SUN1: variants seen among roughly 807,000 people sequenced by gnomAD.
The protein encoded by SUN1 is Sad1 and UNC84 domain containing 1.
In SUN1, 61 loss-of-function variants were observed where a neutral mutation model predicts 103.2. That is an observed-to-expected ratio of 0.59 (90% CI 0.48 to 0.73). SUN1 has a LOEUF of 0.73. Among genes scored for constraint, SUN1 ranks in the 30% least tolerant of loss-of-function variants. The pLI, the probability that SUN1 is intolerant of heterozygous loss-of-function variation, is 0.00. For synonymous variants in SUN1, 490 were observed against 425.7 expected (o/e 1.15, Z -1.86); for missense variants, 1,052 against 1,034.6 (o/e 1.02, Z -0.23).
intron 1 of SUN1, 114 bp downstream of exon 1, chr7:832,715 AGGTG>A: frequency 1.2e-6 from 1 of 809,316 alleles, no homozygotes; most frequent in Admixed American, 2.4e-5. Context: ...TGTATTTTGA[AGGTG>A]AAAAAAAATA....
intron 1 of SUN1, among the ~76,000 whole-genome samples, chr7:820,662 A>G (rs566770920): frequency 1.8e-4 from 27 of 152,302 alleles, no homozygotes; most frequent in Middle Eastern, 3.4e-3. Flanking sequence ...AAAAATTTGA[A>G]TATGACATTC....
intron 3 of SUN1, chr7:842,784 C>A (rs1394435847): frequency 7.6e-6 from 2 of 261,612 alleles, no homozygotes; most frequent in South Asian, 5.7e-5. Context: ...TTCCAGAGAT[C>A]ACATGTGCTA....
chr7:844,377 C>CA lies in SUN1; in HGVS notation c.658+858dup, dbSNP rs1241559746. Among the ~76,000 whole-genome samples, 2 of 152,194 alleles carry CA rather than the reference C, an allele frequency of 1.3e-5. 1 individual carries two copies. On this transcript the variant is annotated intron_variant, in intron 5 of 18. Transcript: ENST00000401592. ...GGAGGTGCTGGAAGCCTCAGGAGGGCAGGGCCAGGTCTGTCTTATCCACTC... is the reference window on the plus strand; with the variant it reads ...GGAGGTGCTGGAAGCCTCAGGAGGGCAAGGGCCAGGTCTGTCTTATCCACTC...
chr7:872,286 C>G (rs1453916814), intron 17 of SUN1, among the ~76,000 whole-genome samples, 184 bp from the exon 18 acceptor site: 2 of 152,138 alleles, frequency 1.3e-5, no homozygotes, highest in Non-Finnish European at 2.9e-5. Flanking sequence ...ACATGAAGCC[C>G]TCAACAAAAC....
intron 6 of SUN1, 132 bp downstream of exon 6, chr7:851,614 C>T (rs534361265): frequency 4.8e-5 from 39 of 814,206 alleles, no homozygotes; most frequent in South Asian, 4.0e-4. Flanking sequence ...TAACGTGTCT[C>T]GTTCTTTATG....
At chr7:815,862 G>A, upstream of SUN1, 1 of 211,928 alleles carries the variant, frequency 4.7e-6, no homozygotes, top group Middle Eastern at 2.0e-3. Flanking sequence ...CGGAGCGGCG[G>A]GGAATTGGGG....
At chr7:836,707 G>A (rs1252941275) in intron 1 of SUN1, among the ~76,000 whole-genome samples, 1 of 152,202 alleles carries the variant, frequency 6.6e-6, no homozygotes, top group Non-Finnish European at 1.5e-5. Flanking sequence ...TAATTTAAAT[G>A]TTACTGTCAT....
chr7:856,292 T>G, intron 11 of SUN1, 66 bp from the exon 12 acceptor site: 1 of 1,503,874 alleles, frequency 6.6e-7, no homozygotes, highest in Non-Finnish European at 9.2e-7. Flanking sequence ...GTTTTAAGTA[T>G]GTGGTTTTAT....
intron 16 of SUN1, 26 bp downstream of exon 16, chr7:866,093 T>C (rs1322825157): frequency 1.3e-6 from 2 of 1,597,700 alleles, no homozygotes; most frequent in South Asian, 2.2e-5. Context: ...TGGCCGGAGC[T>C]GCTCCTCTTC....
At chr7:856,487 C>T in intron 12 of SUN1, 86 bp downstream of exon 12, 2 of 1,520,760 alleles carry the variant, frequency 1.3e-6, no homozygotes, top group Non-Finnish European at 1.8e-6. Context: ...GAATGGGGGA[C>T]CCGGGGCCGG....
chr7:824,865 T>C (rs909515878), intron 1 of SUN1, among the ~76,000 whole-genome samples: 1 of 143,652 alleles, frequency 7.0e-6, no homozygotes, highest in Non-Finnish European at 1.5e-5. Context: ...GGGTGCGGGG[T>C]GGGGGCGTCC....
chr7:863,010 TG>T (rs1031996921), intron 15 of SUN1, among the ~76,000 whole-genome samples: 1 of 152,080 alleles, frequency 6.6e-6, no homozygotes, highest in Non-Finnish European at 1.5e-5. Context: ...GGTGTGGTGG[TG>T]GGCGCCTGTA....
chr7:871,886 C>T (rs1355774361), intron 17 of SUN1, among the ~76,000 whole-genome samples: 1 of 152,242 alleles, frequency 6.6e-6, no homozygotes, highest in Non-Finnish European at 1.5e-5. Context: ...AATAAGTGCA[C>T]AGTCCAGTGG....
intron 5 of SUN1, chr7:848,646 AC>A (rs745336814): frequency 3.1e-6 from 4 of 1,295,322 alleles, no homozygotes; most frequent in East Asian, 5.0e-5. Flanking sequence ...TCCTTTTTCC[AC>A]CAATCACACT....
intron 13 of SUN1, among the ~76,000 whole-genome samples, chr7:859,728 T>C (rs981047037): frequency 2.6e-5 from 4 of 152,382 alleles, no homozygotes; most frequent in Middle Eastern, 3.4e-3. Context: ...CATAAAGCTA[T>C]AATTTAGGTT....
chr7:871,371 CAG>C (rs1036505020), intron 17 of SUN1, among the ~76,000 whole-genome samples: 6 of 152,144 alleles, frequency 3.9e-5, no homozygotes, highest in African/African-American at 7.2e-5. Flanking sequence ...TATTAACACT[CAG>C]ATGCCCTGAG....
At chr7:843,634 T>C (rs749606658) in intron 5 of SUN1, 114 bp downstream of exon 5, 1 of 1,592,124 alleles carries the variant, frequency 6.3e-7, no homozygotes, top group South Asian at 1.1e-5. Flanking sequence ...AATTATCCCT[T>C]GAAAGCATAA....
In SUN1 at chr7:849,721, TGAC is replaced by T. The variant is rs774883544; in HGVS notation, c.659-1658_659-1656del. The T allele has an allele frequency of 5.8e-6, 7 of 1,213,042 alleles. No individual in the cohort carries two copies. The South Asian group carries it at 6.2e-5, about 11-fold the overall frequency. 75.1% of individuals were successfully genotyped at this position (1,213,042 alleles called of 1,614,324 possible). On this transcript the variant is annotated intron_variant, in intron 5 of 18. Transcript: ENST00000401592. ...CGTGTGACATGGTGGTCCTCACTGA[TGAC>T]GACGGGCTGTTGGAGCTGCTGCTTA...
chr7:817,582 G>A, intron 1 of SUN1: 1 of 1,479,472 alleles, frequency 6.8e-7, no homozygotes, highest in Non-Finnish European at 9.1e-7. Flanking sequence ...GTGGGAAGCT[G>A]CCCATAATTG....
Sources: allele counts gnomAD v4.1 joint callset (sites outside exome capture counted in the v4.1 genomes callset), GRCh38; gene constraint gnomAD v4.1.1; transcripts MANE v1.5; gene names NCBI Gene and HGNC (gene_info 2026-07-23, HGNC 2026-07-21).